ARHGEF33: variants seen among roughly 807,000 people sequenced by gnomAD.
ARHGEF33 encodes Rho guanine nucleotide exchange factor 33.
In ARHGEF33, 72 loss-of-function variants were observed where a neutral mutation model predicts 101.9. That is an observed-to-expected ratio of 0.71 (90% CI 0.58 to 0.86). The LOEUF (loss-of-function observed/expected upper bound fraction) is 0.86. Ranked by LOEUF, ARHGEF33 falls within the 40% of genes least tolerant of loss-of-function variation. ARHGEF33 has a pLI of 0.00. For missense variants in ARHGEF33, 1,169 were observed against 1,111.3 expected (o/e 1.05, Z -0.74); for synonymous variants, 499 against 442.5 (o/e 1.13, Z -1.60).
At chr2:38,909,231 T>G (rs1666457875) in intron 2 of ARHGEF33, among the ~76,000 whole-genome samples, 1 of 152,218 alleles carries the variant, frequency 6.6e-6, no homozygotes, top group African/African-American at 2.4e-5. Context: ...GGGGCTGACT[T>G]GAGCACCAAG....
At chr2:38,913,780 A>T (rs1158365850) in intron 2 of ARHGEF33, among the ~76,000 whole-genome samples, 1 of 152,144 alleles carries the variant, frequency 6.6e-6, no homozygotes, top group Non-Finnish European at 1.5e-5. Flanking sequence ...GAAAAAAAAA[A>T]AATAAAAAGA....
intron 9 of ARHGEF33, among the ~76,000 whole-genome samples, chr2:38,941,756 A>G (rs1667314239): frequency 6.6e-6 from 1 of 152,058 alleles, no homozygotes; most frequent in Admixed American, 6.6e-5. Context: ...CAGGTTGGCC[A>G]GGCTGGTCTC....
At chr2:38,937,152 G>A (rs905534824) in intron 8 of ARHGEF33, 183 bp from the exon 9 acceptor site, 85 of 524,456 alleles carry the variant, frequency 1.6e-4, no homozygotes, top group Non-Finnish European at 2.5e-4. Flanking sequence ...CCGCCACCAC[G>A]CCCAGCTAAT....
intron 9 of ARHGEF33, among the ~76,000 whole-genome samples, chr2:38,940,454 A>G (rs905420413): frequency 2.0e-5 from 3 of 149,306 alleles, no homozygotes; most frequent in Non-Finnish European, 3.0e-5. Context: ...TTTAAAGAGC[A>G]TTTGCCTCCG....
intron 2 of ARHGEF33, among the ~76,000 whole-genome samples, chr2:38,907,341 T>A (rs1482251624): frequency 6.6e-6 from 1 of 152,240 alleles, no homozygotes; most frequent in Admixed American, 6.5e-5. Context: ...TTATAGTCAT[T>A]CTGAAGATGG....
At chr2:38,908,725 C>G (rs751604060) in intron 2 of ARHGEF33, among the ~76,000 whole-genome samples, 3 of 152,108 alleles carry the variant, frequency 2.0e-5, no homozygotes, top group African/African-American at 7.2e-5. Context: ...TGTTGCTGGC[C>G]GTGATGAACA....
chr2:38,963,152 A>G (rs1461285535), intron 16 of ARHGEF33, among the ~76,000 whole-genome samples: 2 of 152,140 alleles, frequency 1.3e-5, no homozygotes, highest in African/African-American at 4.8e-5. Flanking sequence ...CTGCATGTCT[A>G]AGTATATATA....
chr2:38,934,943 C>G (rs1246700619), intron 7 of ARHGEF33, among the ~76,000 whole-genome samples: 1 of 151,694 alleles, frequency 6.6e-6, no homozygotes, highest in Non-Finnish European at 1.5e-5. Flanking sequence ...AACGGAGCAG[C>G]CAGTGTCAGG....
chr2:38,923,760 T>C (rs10204999), intron 4 of ARHGEF33, among the ~76,000 whole-genome samples: 92,266 of 152,044 alleles, frequency 0.61, 30,118 homozygotes, highest in East Asian at 0.82. Flanking sequence ...TTTGTCTGGT[T>C]CTTTGGAAAA....
intron 17 of ARHGEF33, among the ~76,000 whole-genome samples, chr2:38,969,978 A>C (rs1668130696): frequency 6.6e-6 from 1 of 152,236 alleles, no homozygotes; most frequent in Non-Finnish European, 1.5e-5. Flanking sequence ...CTTAATGTTA[A>C]CGCGTATTCT....
At position 38,919,362 on chromosome 2, in the gene ARHGEF33, G is replaced by A; in HGVS notation, c.-85-1G>A. ...CCCTTACTCTTGATTTGAATTGACA[G>A]GTGCAGGGAAGAGGAGGTGGCCTGA... On this transcript the variant is annotated splice_acceptor_variant, in intron 2 of 17. Coordinates refer to ENST00000409978, the MANE Select transcript of ARHGEF33 (RefSeq NM_001145451.5). LOFTEE classifies it low-confidence loss of function (5UTR_SPLICE). 1 of 1,336,518 alleles carries A rather than the reference G, an allele frequency of 7.5e-7. No individual in the cohort carries two copies. Among genetic ancestry groups the A allele is most frequent in the South Asian group, 1.3e-5 (1 of 79,450 alleles). The allele number at this position is 1,336,518 out of a possible 1,614,324, so 82.8% of individuals were successfully genotyped here. A position where few individuals can be genotyped will look rare whatever the true frequency, so the allele number is the denominator to read the frequency against.
At position 38,958,031 on chromosome 2, in the gene ARHGEF33, T is replaced by C; in HGVS notation, c.1371-3T>C. 6.4e-7 allele frequency: 1 copy of C among 1,552,278 alleles called. No individual in the cohort carries two copies. Among genetic ancestry groups the C allele is most frequent in the Non-Finnish European group, 8.7e-7 (1 of 1,147,120 alleles). ...CTGAGAACTGTTATTTCCATTCTGT[T>C]AGGTCATCCATGGCGAAGCTGTACA... On this transcript the variant is annotated splice_region_variant and splice_polypyrimidine_tract_variant and intron_variant, in intron 14 of 17. Transcript: ENST00000409978.
At chr2:38,931,330 C>T (rs2124998901) in intron 7 of ARHGEF33, 79 bp downstream of exon 7, 1 of 1,272,208 alleles carries the variant, frequency 7.9e-7, no homozygotes, top group East Asian at 2.6e-5. Context: ...TTAAACCCTC[C>T]ATCTTTGTTA....
chr2:38,941,241 A>G (rs1011548667), intron 9 of ARHGEF33, among the ~76,000 whole-genome samples: 43 of 152,152 alleles, frequency 2.8e-4, no homozygotes, highest in Non-Finnish European at 1.6e-4. Context: ...GGGAAGGGCT[A>G]TTATCATCCT....
intron 1 of ARHGEF33, among the ~76,000 whole-genome samples, chr2:38,890,510 A>G (rs1354166429): frequency 6.6e-6 from 1 of 152,214 alleles, no homozygotes; most frequent in Non-Finnish European, 1.5e-5. Flanking sequence ...GATTAATTAC[A>G]TGGGGGCTTT....
chr2:38,928,086 A>G (rs1666912950), intron 4 of ARHGEF33, among the ~76,000 whole-genome samples: 2 of 152,176 alleles, frequency 1.3e-5, no homozygotes, highest in African/African-American at 4.8e-5. Context: ...TGTGAAATAG[A>G]TATTATTATA....
At chr2:38,964,048 T>G (rs981290160) in intron 16 of ARHGEF33, among the ~76,000 whole-genome samples, 1 of 152,196 alleles carries the variant, frequency 6.6e-6, no homozygotes, top group Non-Finnish European at 1.5e-5. Context: ...TTTGTTTTCC[T>G]GCAACTAGAC....
chr2:38,963,617 T>A (rs1667992281), intron 16 of ARHGEF33, among the ~76,000 whole-genome samples: 1 of 152,200 alleles, frequency 6.6e-6, no homozygotes, highest in Non-Finnish European at 1.5e-5. Flanking sequence ...AGATCATGGT[T>A]CCATAGAACG....
In ARHGEF33 at chr2:38,936,165, T is replaced by G. The variant is rs572401889; in HGVS notation, c.565+331T>G. Among the ~76,000 whole-genome samples, 4 of 152,346 alleles carry G rather than the reference T, an allele frequency of 2.6e-5. No individual in the cohort carries two copies. The South Asian group carries it at 8.3e-4, about 32-fold the overall frequency. ...AGTTTTCCGTGGATCACACACTGTA[T>G]AGTTTAATTCAAAAGTTACCTACTT... is the stretch of plus-strand genomic sequence containing the variant. On this transcript the variant is annotated intron_variant, in intron 8 of 17. Coordinates refer to ENST00000409978, the MANE Select transcript of ARHGEF33 (RefSeq NM_001145451.5).
Sources: gnomAD v4.1 joint callset for allele counts (sites outside exome capture counted in the v4.1 genomes callset) on GRCh38, gnomAD v4.1.1 for gene constraint, MANE v1.5 for transcripts, NCBI Gene and HGNC (gene_info 2026-07-23, HGNC 2026-07-21) for gene names.